The following SGCZ variants were observed in gnomAD, a reference collection of about 807,000 sequenced individuals.
The protein encoded by SGCZ is sarcoglycan zeta.
A neutral mutation model predicts 41.3 loss-of-function variants in SGCZ; 40 were observed. That is an observed-to-expected ratio of 0.97 (90% CI 0.75 to 1.26). SGCZ has a LOEUF of 1.26. Ranked by LOEUF, SGCZ falls within the 50% of genes most tolerant of loss-of-function variation. The probability of loss-of-function intolerance (pLI) is 0.00; values close to 1 mark genes in which losing one functional copy is unlikely to be tolerated. For synonymous variants in SGCZ, 206 were observed against 137.5 expected (o/e 1.50, Z -3.49); for missense variants, 552 against 369.8 (o/e 1.49, Z -4.04).
chr8:14,471,209 G>A (rs761632045), intron 2 of SGCZ, among the ~76,000 whole-genome samples: 10 of 152,076 alleles, frequency 6.6e-5, no homozygotes, highest in Non-Finnish European at 1.5e-5. Flanking sequence ...CTACTAAATG[G>A]TTCAGAATAT....
intron 1 of SGCZ, among the ~76,000 whole-genome samples, chr8:14,740,371 G>C (rs182090947): frequency 1.4e-4 from 21 of 151,672 alleles, no homozygotes; most frequent in Non-Finnish European, 2.4e-4. Context: ...AGATTCATCT[G>C]TAGGTAGGGG....
At chr8:15,229,695 A>G (rs916851215) in intron 1 of SGCZ, among the ~76,000 whole-genome samples, 9 of 152,198 alleles carry the variant, frequency 5.9e-5, no homozygotes, top group Admixed American at 4.6e-4. Flanking sequence ...AAGCCCTCAA[A>G]TACTCTGAGT....
At chr8:14,201,503 T>C (rs902820009) in intron 4 of SGCZ, among the ~76,000 whole-genome samples, 2 of 152,174 alleles carry the variant, frequency 1.3e-5, no homozygotes, top group Non-Finnish European at 2.9e-5. Flanking sequence ...AAATCCATTG[T>C]GCTGAGTGAA....
At chr8:14,928,604 T>G (rs1799832472) in intron 1 of SGCZ, among the ~76,000 whole-genome samples, 1 of 152,298 alleles carries the variant, frequency 6.6e-6, no homozygotes, top group African/African-American at 2.4e-5. Flanking sequence ...TTACACAATT[T>G]TAATCTCATT....
At chr8:14,433,070 C>T (rs1799991843) in intron 2 of SGCZ, among the ~76,000 whole-genome samples, 1 of 151,822 alleles carries the variant, frequency 6.6e-6, no homozygotes, top group East Asian at 1.9e-4. Context: ...AAATATATGG[C>T]TTTCTTCAAG....
intron 3 of SGCZ, among the ~76,000 whole-genome samples, chr8:14,243,864 C>T (rs144954466): frequency 6.6e-6 from 1 of 152,154 alleles, no homozygotes; most frequent in Non-Finnish European, 1.5e-5. Flanking sequence ...TCGTTGTAGG[C>T]TTTTTGACTT....
chr8:14,927,362 G>C (rs909121574), intron 1 of SGCZ, among the ~76,000 whole-genome samples: 3 of 151,830 alleles, frequency 2.0e-5, no homozygotes, highest in African/African-American at 7.3e-5. Flanking sequence ...GCCCGCCTCG[G>C]CCTCCCAAAG....
chr8:15,128,001 C>T lies in SGCZ; in HGVS notation c.39+109584G>A, dbSNP rs77784692. 6.5e-3 allele frequency among the ~76,000 whole-genome samples: 994 copies of T among 152,174 alleles called. 7 individuals are homozygous for T. The highest frequency in any genetic ancestry group is 0.039 in the East Asian group (202 of 5,184). ...AAAAGAAATTCCAAAGAATATAGTA[C>T]GGAAATAATAGAGGTTCATGATGTA... On this transcript the variant is annotated intron_variant, in intron 1 of 7. Transcript: ENST00000382080.
chr8:15,180,007 T>C (rs1800120518), intron 1 of SGCZ, among the ~76,000 whole-genome samples: 1 of 152,208 alleles, frequency 6.6e-6, no homozygotes, highest in African/African-American at 2.4e-5. Context: ...AGGCTGACTA[T>C]TATATGCACA....
At chr8:14,534,880 C>T (rs1460987941) in intron 2 of SGCZ, among the ~76,000 whole-genome samples, 1 of 151,864 alleles carries the variant, frequency 6.6e-6, no homozygotes, top group East Asian at 1.9e-4. Flanking sequence ...GATGAATAAG[C>T]ATAAGGGAAA....
At chr8:14,222,976 T>C (rs1585248385) in intron 4 of SGCZ, among the ~76,000 whole-genome samples, 1 of 151,830 alleles carries the variant, frequency 6.6e-6, no homozygotes, top group Non-Finnish European at 1.5e-5. Flanking sequence ...CACACCCAGC[T>C]AATTTTTGTA....
At chr8:15,113,773 C>A (rs1807160068) in intron 1 of SGCZ, among the ~76,000 whole-genome samples, 2 of 152,170 alleles carry the variant, frequency 1.3e-5, no homozygotes, top group African/African-American at 2.4e-5. Flanking sequence ...AATCCTCCTA[C>A]AATCTTTTTG....
chr8:14,354,194 T>G (rs932474183), intron 2 of SGCZ, among the ~76,000 whole-genome samples: 1 of 152,064 alleles, frequency 6.6e-6, no homozygotes, highest in African/African-American at 2.4e-5. Flanking sequence ...ACTGTTAAAC[T>G]TGTAATTTTA....
intron 1 of SGCZ, among the ~76,000 whole-genome samples, chr8:14,803,594 C>G (rs1003123672): frequency 2.0e-5 from 3 of 152,078 alleles, no homozygotes; most frequent in Non-Finnish European, 4.4e-5. Context: ...AGGGAGTCTC[C>G]CTGATTGCTA....
chr8:14,166,511 C>G (rs1056129521), intron 4 of SGCZ, among the ~76,000 whole-genome samples: 6 of 152,136 alleles, frequency 3.9e-5, no homozygotes, highest in Admixed American at 3.9e-4. Flanking sequence ...CACATTAACC[C>G]TGAACTGCCT....
chr8:15,208,234 A>G (rs1166635256), intron 1 of SGCZ, among the ~76,000 whole-genome samples: 1 of 152,236 alleles, frequency 6.6e-6, no homozygotes, highest in Non-Finnish European at 1.5e-5. Flanking sequence ...TGATGAAAGC[A>G]TTCATCAGAA....
At chr8:14,638,071 G>A (rs971770319) in intron 1 of SGCZ, among the ~76,000 whole-genome samples, 8 of 151,930 alleles carry the variant, frequency 5.3e-5, no homozygotes, top group East Asian at 3.9e-4. Context: ...GATCAGTGAC[G>A]TTGAGCATTT....
intron 3 of SGCZ, among the ~76,000 whole-genome samples, chr8:14,316,746 C>T (rs562509508): frequency 6.1e-4 from 93 of 151,772 alleles, no homozygotes; most frequent in African/African-American, 2.0e-3. Flanking sequence ...ATTCATTCCA[C>T]GGAAATCTTA....
At chr8:14,950,091 A>T (rs1043128247) in intron 1 of SGCZ, among the ~76,000 whole-genome samples, 1 of 152,066 alleles carries the variant, frequency 6.6e-6, no homozygotes, top group Non-Finnish European at 1.5e-5. Context: ...TGAGTCTAAA[A>T]CAATCCTGAA....
Sources: allele counts gnomAD v4.1 joint callset (sites outside exome capture counted in the v4.1 genomes callset), GRCh38; gene constraint gnomAD v4.1.1; transcripts MANE v1.5; gene names NCBI Gene and HGNC (gene_info 2026-07-23, HGNC 2026-07-21).